Variants in MYO10 observed in about 807,000 individuals in gnomAD.
MYO10 encodes the protein unconventional myosin-X.
Under a neutral mutation model 257.3 loss-of-function variants are expected in MYO10, and 133 were observed. The observed-to-expected ratio is 0.52, with a 90% CI of 0.45 to 0.60. MYO10 has a LOEUF of 0.60. Ranked by LOEUF, MYO10 falls within the 20% of genes least tolerant of loss-of-function variation. The pLI is 0.00. For missense variants in MYO10, 2,399 were observed against 2,635.7 expected (o/e 0.91, Z 1.97); for synonymous variants, 1,104 against 1,028.6 (o/e 1.07, Z -1.40).
At chr5:16,776,897 G>T (rs1339784746) in intron 9 of MYO10, among the ~76,000 whole-genome samples, 3 of 152,162 alleles carry the variant, frequency 2.0e-5, no homozygotes, top group Admixed American at 6.5e-5. Context: ...TGGATAATCA[G>T]GTGTCTTGTC....
At chr5:16,804,042 C>T (rs558169737) in intron 3 of MYO10, among the ~76,000 whole-genome samples, 2 of 152,292 alleles carry the variant, frequency 1.3e-5, no homozygotes, top group South Asian at 2.1e-4. Context: ...TCACGGAGCC[C>T]GTGAGTCAGA....
chr5:16,801,310 C>CA (rs1742114051), intron 3 of MYO10, among the ~76,000 whole-genome samples: 1 of 152,162 alleles, frequency 6.6e-6, no homozygotes, highest in African/African-American at 2.4e-5. Flanking sequence ...CGGGTTAAAG[C>CA]AATTCTCCTG....
chr5:16,753,357 C>T (rs879574414), intron 19 of MYO10, among the ~76,000 whole-genome samples: 1 of 151,814 alleles, frequency 6.6e-6, no homozygotes, highest in Non-Finnish European at 1.5e-5. Context: ...TTAGTAGAGA[C>T]GTGGTTTCAT....
At position 16,821,128 on chromosome 5, in the gene MYO10, GTATGTA is replaced by G. The variant is rs1393631362; in HGVS notation, c.121-2967_121-2962del. Among the ~76,000 whole-genome samples the G allele has an allele frequency of 6.8e-5, 10 of 146,910 alleles. No individual in the cohort carries two copies. In the East Asian group the frequency reaches 2.0e-3, roughly 29 times the overall value. On this transcript the variant is annotated intron_variant, in intron 2 of 40. Transcript: ENST00000513610. ...ATAATATATAAAATGTTTTGTATAT[GTATGTA>G]TATGTATGTATAAAATATCTATATA...
At chr5:16,926,704 CAA>C (rs34123697) in intron 1 of MYO10, among the ~76,000 whole-genome samples, 54,615 of 134,532 alleles carry the variant, frequency 0.41, 10,241 homozygotes, top group Middle Eastern at 0.48. Flanking sequence ...TCTGTCCCAG[CAA>C]AAAAAAAAAA....
intron 4 of MYO10, among the ~76,000 whole-genome samples, chr5:16,790,931 A>C (rs953807711): frequency 6.6e-6 from 1 of 151,086 alleles, no homozygotes; most frequent in Non-Finnish European, 1.5e-5. Flanking sequence ...ACACACACAT[A>C]TATTCAAAAC....
intron 1 of MYO10, among the ~76,000 whole-genome samples, chr5:16,923,661 C>CAT (rs1393286805): frequency 7.8e-6 from 1 of 127,698 alleles, no homozygotes; most frequent in African/African-American, 3.0e-5. Flanking sequence ...TAAACACGCC[C>CAT]ATACACACAC....
intron 19 of MYO10, chr5:16,738,347 G>A: frequency 2.0e-6 from 2 of 985,276 alleles, no homozygotes; most frequent in Non-Finnish European, 1.2e-6. Context: ...GAGAGAAACT[G>A]TGCTGGCTGG....
In MYO10 at chr5:16,823,446, CGCGGGG is replaced by C. The variant is rs1282018106; in HGVS notation, c.121-5285_121-5280del. On this transcript the variant is annotated intron_variant, in intron 2 of 40. Coordinates refer to ENST00000513610, the MANE Select transcript of MYO10 (RefSeq NM_012334.3). Reference sequence around the variant, plus strand: ...GATGACAGGGCAAGACTCCATCTTGCGCGGGGGGGGGGGGAGTGGGGATTTTTTTTT... The same window carrying C: ...GATGACAGGGCAAGACTCCATCTTGCGGGGGGGGAGTGGGGATTTTTTTTT... Among the ~76,000 whole-genome samples the C allele has an allele frequency of 3.1e-3, 13 of 4,196 alleles. 2 individuals are homozygous for C. In the South Asian group the frequency reaches 0.074, roughly 24 times the overall value. 2.8% of individuals were successfully genotyped at this position (4,196 alleles called of 152,430 possible). A position where few individuals can be genotyped will look rare whatever the true frequency, so the allele number is the denominator to read the frequency against.
At chr5:16,742,125 G>A in intron 19 of MYO10, 1 of 985,256 alleles carries the variant, frequency 1.0e-6, no homozygotes, top group Non-Finnish European at 1.2e-6. Flanking sequence ...GATTTTAAAA[G>A]CCAATCAATA....
intron 2 of MYO10, among the ~76,000 whole-genome samples, chr5:16,833,894 T>A (rs775148663): frequency 2.0e-5 from 3 of 152,236 alleles, no homozygotes; most frequent in Admixed American, 6.5e-5. Context: ...ATATTTCAGT[T>A]AGTCATATTA....
chr5:16,782,182 G>A (rs1362840427), intron 5 of MYO10, among the ~76,000 whole-genome samples: 5 of 152,188 alleles, frequency 3.3e-5, no homozygotes, highest in African/African-American at 9.6e-5. Context: ...TTCCAGTCCT[G>A]GAAATTTCAC....
chr5:16,777,130 G>C (rs1268679034), intron 9 of MYO10, among the ~76,000 whole-genome samples: 1 of 152,192 alleles, frequency 6.6e-6, no homozygotes, highest in Non-Finnish European at 1.5e-5. Flanking sequence ...AATTGGAAAA[G>C]ATAATTAAAA....
chr5:16,902,546 C>T (rs1157037247), intron 1 of MYO10: 1 of 1,581,764 alleles, frequency 6.3e-7, no homozygotes, highest in African/African-American at 1.3e-5. Flanking sequence ...TGGCCTTGTC[C>T]TTGGGCACGC....
At chr5:16,671,051 C>T (rs1341040261) in intron 38 of MYO10, 73 bp from the exon 39 acceptor site, 2 of 1,342,500 alleles carry the variant, frequency 1.5e-6, no homozygotes, top group Non-Finnish European at 2.0e-6. Context: ...CGCTTGCTCC[C>T]TCACTTCATG....
At chr5:16,795,686 T>C (rs1741918183) in intron 3 of MYO10, among the ~76,000 whole-genome samples, 1 of 152,206 alleles carries the variant, frequency 6.6e-6, no homozygotes, top group Non-Finnish European at 1.5e-5. Flanking sequence ...TTTTAATTTT[T>C]TTTGTAGAGA....
rs563597529 is a variant in MYO10, at chr5:16,822,814, C to A, written c.121-4647G>T. ...GCCATTCTCCTGCCTCAGCCTCCCG[C>A]GTAGCTGGGACTACAGGCGCCCGCA... is the stretch of plus-strand genomic sequence containing the variant. On this transcript the variant is annotated intron_variant, in intron 2 of 40. Coordinates refer to ENST00000513610, the MANE Select transcript of MYO10 (RefSeq NM_012334.3). Among the ~76,000 whole-genome samples the A allele has an allele frequency of 4.3e-3, 656 of 151,894 alleles. 6 individuals are homozygous for A. The highest frequency in any genetic ancestry group is 7.5e-3 in the Non-Finnish European group (511 of 67,886).
intron 27 of MYO10, among the ~76,000 whole-genome samples, chr5:16,691,904 C>T (rs1319053453): frequency 6.6e-6 from 1 of 152,110 alleles, no homozygotes; most frequent in Admixed American, 6.5e-5. Flanking sequence ...CAAACACATG[C>T]CCATATAGGG....
intron 2 of MYO10, among the ~76,000 whole-genome samples, chr5:16,867,015 A>G (rs930255577): frequency 6.6e-6 from 1 of 152,228 alleles, no homozygotes; most frequent in Admixed American, 6.5e-5. Flanking sequence ...ACATACAAGG[A>G]AAGAGTTCAC....
Sources: gnomAD v4.1 joint callset for allele counts (sites outside exome capture counted in the v4.1 genomes callset) on GRCh38, gnomAD v4.1.1 for gene constraint, MANE v1.5 for transcripts, NCBI Gene and HGNC (gene_info 2026-07-23, HGNC 2026-07-21) for gene names.